Variants in CNMD observed in about 807,000 individuals in gnomAD.
The protein encoded by CNMD is leukocyte cell-derived chemotaxin 1.
Under a neutral mutation model 37.5 loss-of-function variants are expected in CNMD, and 30 were observed. The ratio of observed to expected loss-of-function variants is 0.80; its 90% CI spans 0.60 to 1.09. The LOEUF (loss-of-function observed/expected upper bound fraction) is 1.09. Ranked by LOEUF, CNMD falls within the 50% of genes least tolerant of loss-of-function variation. The pLI, the probability that CNMD is intolerant of heterozygous loss-of-function variation, is 0.00. For missense variants in CNMD, 398 were observed against 423.9 expected (o/e 0.94, Z 0.54); for synonymous variants, 167 against 148.2 (o/e 1.13, Z -0.92).
rs116307025 is a variant in CNMD at position 52,733,205 on chromosome 13, T to G, written c.354+14A>C. On this transcript the variant is annotated intron_variant, in intron 3 of 6. Coordinates refer to ENST00000377962, the MANE Select transcript of CNMD (RefSeq NM_007015.3). ...TGCCTGGTTAAATTCTCTAAATGCA[T>G]GAAATATACTTACATTCTGGAAATC... is the stretch of plus-strand genomic sequence containing the variant. 1,279 of 1,613,878 alleles carry G rather than the reference T, an allele frequency of 7.9e-4. 10 individuals are homozygous for G. The African/African-American group carries it at 0.016, about 20-fold the overall frequency.
intron 6 of CNMD, among the ~76,000 whole-genome samples, chr13:52,707,924 A>C (rs1964214516): frequency 6.6e-6 from 1 of 151,894 alleles, no homozygotes; most frequent in Non-Finnish European, 1.5e-5. Context: ...CCTGCCCAAC[A>C]TGGTGAAACC....
intron 6 of CNMD, among the ~76,000 whole-genome samples, chr13:52,708,294 G>A (rs1230827663): frequency 2.0e-5 from 3 of 151,056 alleles, no homozygotes; most frequent in African/African-American, 7.3e-5. Flanking sequence ...CGATTCTCCT[G>A]CCTCAGCCTC....
chr13:52,734,678 T>G (rs572941723), intron 2 of CNMD, among the ~76,000 whole-genome samples: 7 of 152,132 alleles, frequency 4.6e-5, no homozygotes, highest in Non-Finnish European at 8.8e-5. Flanking sequence ...ATATAAATCT[T>G]TAAAGTGGAG....
chr13:52,703,798 C>T lies in CNMD; in HGVS notation c.802G>A (p.Glu268Lys). The T allele has an allele frequency of 6.2e-7, 1 of 1,608,578 alleles. No homozygotes were observed. The highest frequency in any genetic ancestry group is 8.5e-7 in the Non-Finnish European group (1 of 1,175,218). ...AGTCTAGGGTCGAATGTCATGCTTT[C>T]CCCTTCCTGCTGCTGTGAAATAAAA... ...PDNPYHQQEGESMTFDPRLDH... is the reference protein window; with the variant it reads ...PDNPYHQQEGKSMTFDPRLDH... Residue 268 changes from glutamate to lysine, a missense_variant, in exon 7 of 7, where the codon GAA becomes AAA. Physicochemically the swap from Glu to Lys is moderately conservative, Grantham distance 56 (BLOSUM62 1). Coordinates refer to ENST00000377962, the MANE Select transcript of CNMD (RefSeq NM_007015.3).
In CNMD at chr13:52,732,194, T is replaced by C. The variant is rs565862863; in HGVS notation, c.354+1025A>G. 9.8e-4 allele frequency among the ~76,000 whole-genome samples: 149 copies of C among 152,330 alleles called. 1 individual carries two copies. The highest frequency in any genetic ancestry group is 1.7e-3 in the Non-Finnish European group (119 of 68,018). On this transcript the variant is annotated intron_variant, in intron 3 of 6. Coordinates refer to ENST00000377962, the MANE Select transcript of CNMD (RefSeq NM_007015.3). ...ATCAGAGGAAGATGGGTCGATGAGG[T>C]GTTTGTGGACCAATAAACTATCAGA...
intron 4 of CNMD, among the ~76,000 whole-genome samples, chr13:52,714,144 T>C (rs1964333116): frequency 6.6e-6 from 1 of 152,164 alleles, no homozygotes; most frequent in Non-Finnish European, 1.5e-5. Context: ...CATTGCTCAA[T>C]GTCTTTCTTC....
Position 52,714,788 on chromosome 13 carries a change from G to A in CNMD, c.469-1919C>T, listed in dbSNP as rs149639779. ...AGACTATCACACACACACACACACG[G>A]AGAAAATTCACCAAAACATTAGCAT... is the stretch of plus-strand genomic sequence containing the variant. On this transcript the variant is annotated intron_variant, in intron 4 of 6. Transcript: ENST00000377962. Among the ~76,000 whole-genome samples, 25 of 151,738 alleles carry A rather than the reference G, an allele frequency of 1.6e-4. No individual in the cohort carries two copies. The East Asian group carries it at 4.8e-3, about 29-fold the overall frequency.
In CNMD at chr13:52,739,154, C is replaced by G; in HGVS notation, c.90G>C (p.Thr30=). 6.6e-7 allele frequency: 1 copy of G among 1,523,294 alleles called. No homozygotes were observed. Among genetic ancestry groups the G allele is most frequent in the Non-Finnish European group, 8.8e-7 (1 of 1,142,840 alleles). The allele number at this position is 1,523,294 out of a possible 1,614,324, so 94.4% of individuals were successfully genotyped here. ...FCSPPAYATL[T]VKPSSPARLL... The stretch of plus-strand genomic sequence containing the variant: ...GCCGCGCGGGGCTGGAGGGCTTCAC[C>G]GTCAGCGTAGCGTACGCCTGCGGGC... Residue 30 remains threonine, a synonymous_variant, in exon 2 of 7, where the codon ACG becomes ACC. Transcript: ENST00000377962. This position sits in a 1 kb window ranked among gnomAD's most constrained non-coding sequence, Gnocchi z 5.4.
At chr13:52,726,106 C>T (rs556782677) in intron 3 of CNMD, among the ~76,000 whole-genome samples, 10 of 152,292 alleles carry the variant, frequency 6.6e-5, no homozygotes, top group South Asian at 2.1e-4. Context: ...AGAGGAGCTC[C>T]GAGGCTCACT....
chr13:52,739,390 C>T lies in CNMD; in HGVS notation c.73-219G>A, dbSNP rs575926024. On this transcript the variant is annotated intron_variant, in intron 1 of 6. Coordinates refer to ENST00000377962, the MANE Select transcript of CNMD (RefSeq NM_007015.3). This position sits in a 1 kb window ranked among gnomAD's most constrained non-coding sequence, Gnocchi z 5.4. ...GATGAGCAAACCCCGCAGCACAGGG[C>T]CTTCGCCCCAGGACCTGCACCCTCT... 2 of 673,740 alleles carry T rather than the reference C, an allele frequency of 3.0e-6. No homozygotes were observed. Among genetic ancestry groups the T allele is most frequent in the East Asian group, 2.9e-5 (1 of 34,548 alleles). 41.7% of individuals were successfully genotyped at this position (673,740 alleles called of 1,614,324 possible).
At chr13:52,735,827 C>CTTTTTT (rs34873599) in intron 2 of CNMD, among the ~76,000 whole-genome samples, 5 of 120,638 alleles carry the variant, frequency 4.1e-5, no homozygotes, top group African/African-American at 1.5e-4. Flanking sequence ...TGCGGCCCAC[C>CTTTTTT]TTTTTTTTTT....
Position 52,726,495 on chromosome 13 carries a change from G to A in CNMD, c.355-2385C>T, listed in dbSNP as rs187241482. Among the ~76,000 whole-genome samples the A allele has an allele frequency of 6.7e-3, 1,010 of 150,562 alleles. 7 individuals carry two copies. Among genetic ancestry groups the A allele is most frequent in the Non-Finnish European group, 0.01 (711 of 67,822 alleles). ...ACCAAGAAAAATCACAGACACCACC[G>A]ACGCTGTTTACAGCTAAAAAAAAAA... On this transcript the variant is annotated intron_variant, in intron 3 of 6. Transcript: ENST00000377962.
chr13:52,710,449 G>C (rs1964273115), intron 5 of CNMD, among the ~76,000 whole-genome samples: 1 of 152,204 alleles, frequency 6.6e-6, no homozygotes, highest in Non-Finnish European at 1.5e-5. Flanking sequence ...GCAGGTGTCA[G>C]CTCTCCCCGT....
intron 2 of CNMD, among the ~76,000 whole-genome samples, chr13:52,735,621 C>G (rs1034006754): frequency 6.6e-6 from 1 of 151,146 alleles, no homozygotes; most frequent in Non-Finnish European, 1.5e-5. Context: ...GAAGAATTGT[C>G]TTGGACCACA....
In CNMD at chr13:52,739,631, G is replaced by C. The variant is rs370653677; in HGVS notation, c.71C>G (p.Pro24Arg). ...GPDDVEFCSP[P>R]AYATLTVKPS... ...TGTGGAATCCCTGGCGGTACTCACC[G>C]GGGGGCTGCAGAATTCCACGTCATC... The change falls in exon 1 of 7, where the codon CCG becomes CGG. Residue 24 changes from proline to arginine, a missense_variant and splice_region_variant. By Grantham distance (103) the Pro-to-Arg change is moderately radical (BLOSUM62 -2). Coordinates refer to ENST00000377962, the MANE Select transcript of CNMD (RefSeq NM_007015.3). The surrounding 1 kb of genome is among the most constrained non-coding windows in gnomAD (Gnocchi z 5.4). The C allele has an allele frequency of 6.2e-5, 100 of 1,612,760 alleles. No homozygotes were observed. Among genetic ancestry groups the C allele is most frequent in the Non-Finnish European group, 8.2e-5 (97 of 1,178,764 alleles).
At chr13:52,736,543 C>T (rs1964769095) in intron 2 of CNMD, among the ~76,000 whole-genome samples, 1 of 152,166 alleles carries the variant, frequency 6.6e-6, no homozygotes, top group Admixed American at 6.5e-5. Context: ...CAGTTTCTAA[C>T]ATACTAGACT....
intron 2 of CNMD, 104 bp downstream of exon 2, chr13:52,738,927 G>GT: frequency 8.8e-7 from 1 of 1,138,822 alleles, no homozygotes; most frequent in Non-Finnish European, 1.1e-6. Flanking sequence ...TGGGCCCGAG[G>GT]GGCCCGCCGG....
At chr13:52,725,195 T>C (rs1344979324) in intron 3 of CNMD, among the ~76,000 whole-genome samples, 2 of 152,242 alleles carry the variant, frequency 1.3e-5, no homozygotes, top group Non-Finnish European at 2.9e-5. Context: ...TCAACTGGGA[T>C]GCTTACTCAG....
intron 4 of CNMD, among the ~76,000 whole-genome samples, chr13:52,722,753 T>A (rs1020598777): frequency 9.2e-5 from 14 of 152,152 alleles, no homozygotes; most frequent in Non-Finnish European, 1.2e-4. Flanking sequence ...AAGTAAATTT[T>A]AAAAAAATCA....
Sources: allele counts gnomAD v4.1 joint callset (sites outside exome capture counted in the v4.1 genomes callset), GRCh38; gene constraint gnomAD v4.1.1; non-coding constraint Gnocchi (gnomAD v3.1); transcripts MANE v1.5; gene names NCBI Gene and HGNC (gene_info 2026-07-23, HGNC 2026-07-21).